CDH13: variants seen among roughly 807,000 people sequenced by gnomAD.
The protein encoded by CDH13 is cadherin 13, also known as cadherin-13.
CDH13 carries 24 observed loss-of-function variants against 63.8 expected under a neutral mutation model. The ratio of observed to expected loss-of-function variants is 0.38; its 90% CI spans 0.27 to 0.53. The LOEUF (loss-of-function observed/expected upper bound fraction) is 0.53. CDH13 is among the 20% of genes least tolerant of loss of function. The pLI, the probability that CDH13 is intolerant of heterozygous loss-of-function variation, is 0.85. For synonymous variants in CDH13, 503 were observed against 355.3 expected (o/e 1.42, Z -4.67); for missense variants, 1,049 against 903.1 (o/e 1.16, Z -2.07).
At chr16:83,095,387 T>A (rs962643405) in intron 3 of CDH13, among the ~76,000 whole-genome samples, 2 of 152,318 alleles carry the variant, frequency 1.3e-5, no homozygotes, top group East Asian at 3.9e-4. Context: ...TGCCATATGG[T>A]TTTATCATCT....
intron 3 of CDH13, among the ~76,000 whole-genome samples, chr16:83,119,434 C>G (rs1374625757): frequency 1.3e-5 from 2 of 152,298 alleles, no homozygotes; most frequent in South Asian, 2.1e-4. Context: ...CAGGTCTACT[C>G]TAGCACTGGT....
intron 7 of CDH13, among the ~76,000 whole-genome samples, chr16:83,547,458 C>G (rs894829893): frequency 3.9e-5 from 6 of 152,184 alleles, no homozygotes; most frequent in African/African-American, 1.4e-4. Context: ...CTCCCACCAT[C>G]TACCCTCAAG....
chr16:83,052,809 G>GA (rs994948243), intron 3 of CDH13, among the ~76,000 whole-genome samples: 3 of 125,450 alleles, frequency 2.4e-5, no homozygotes, highest in African/African-American at 9.2e-5. Context: ...AAAAAAGAAA[G>GA]AAATTAAACC....
intron 7 of CDH13, among the ~76,000 whole-genome samples, chr16:83,546,163 T>C (rs11640052): frequency 0.35 from 52,907 of 151,950 alleles, 9,477 homozygotes; most frequent in African/African-American, 0.42. Context: ...AAAACCTGCA[T>C]AATGAGAGGG....
chr16:83,664,782 C>G (rs1913780266), intron 8 of CDH13, among the ~76,000 whole-genome samples: 1 of 152,056 alleles, frequency 6.6e-6, no homozygotes, highest in African/African-American at 2.4e-5. Context: ...TAAAAGCATC[C>G]ATAATTGGCC....
rs1438321504 is a variant in CDH13 at position 83,682,034 on chromosome 16, TTTC to T, written c.1538+3583_1538+3585del. 3.3e-5 allele frequency among the ~76,000 whole-genome samples: 5 copies of T among 152,348 alleles called. No homozygotes were observed. The East Asian group carries it at 7.7e-4, about 23-fold the overall frequency. On this transcript the variant is annotated intron_variant, in intron 10 of 13. Coordinates refer to ENST00000567109, the MANE Select transcript of CDH13 (RefSeq NM_001257.5). ...AACATTTTAGTATCTCTAATATCTT[TTTC>T]TTCTTCTTCCTTGTGTTGACTGCTG...
At chr16:83,697,966 C>T (rs1227932541) in intron 10 of CDH13, among the ~76,000 whole-genome samples, 1 of 152,186 alleles carries the variant, frequency 6.6e-6, no homozygotes, top group Non-Finnish European at 1.5e-5. Flanking sequence ...TTTTATAGGA[C>T]ATAGCTATGG....
intron 10 of CDH13, among the ~76,000 whole-genome samples, chr16:83,733,854 G>A (rs146656480): frequency 1.4e-4 from 22 of 152,284 alleles, no homozygotes; most frequent in South Asian, 1.2e-3. Flanking sequence ...ATGCCTTGGC[G>A]TAAGTGGACA....
At chr16:82,858,771 A>G in intron 2 of CDH13, 1 of 467,036 alleles carries the variant, frequency 2.1e-6, no homozygotes, top group East Asian at 3.2e-5. Flanking sequence ...AAAGGAAATG[A>G]AATTCATTTC....
chr16:83,410,775 A>G (rs1193100918), intron 6 of CDH13, among the ~76,000 whole-genome samples: 1 of 152,202 alleles, frequency 6.6e-6, no homozygotes, highest in African/African-American at 2.4e-5. Flanking sequence ...GTCGTTGGCA[A>G]TCAGCTGCCA....
intron 1 of CDH13, among the ~76,000 whole-genome samples, chr16:82,768,353 G>C (rs1179238086): frequency 6.6e-6 from 1 of 152,148 alleles, no homozygotes; most frequent in Non-Finnish European, 1.5e-5. Flanking sequence ...TTGATATTGT[G>C]GGACTGGGCT....
chr16:83,374,460 A>G (rs1023516288), intron 6 of CDH13, among the ~76,000 whole-genome samples: 7 of 152,168 alleles, frequency 4.6e-5, no homozygotes, highest in Admixed American at 4.6e-4. Context: ...TTATCAGTGT[A>G]TGTGCTGCTC....
rs1904311808 is a variant in CDH13 at position 83,800,287 on chromosome 16, C to G, written c.*5257C>G. 1 of 152,088 alleles carries G rather than the reference C, an allele frequency of 6.6e-6. No individual in the cohort carries two copies. Among genetic ancestry groups the G allele is most frequent in the African/African-American group, 2.4e-5 (1 of 41,406 alleles). 9.4% of individuals were successfully genotyped at this position (152,088 alleles called of 1,614,324 possible). ...TAAAAAGCTTTTTCTTTAGAGAGTA[C>G]TAAAGCCATTCTATATCTGTCGTAC... On this transcript the variant is annotated 3_prime_UTR_variant, in exon 14 of 14. Transcript: ENST00000567109.
At chr16:83,157,235 G>A (rs1461932536) in intron 4 of CDH13, among the ~76,000 whole-genome samples, 1 of 152,138 alleles carries the variant, frequency 6.6e-6, no homozygotes, top group Non-Finnish European at 1.5e-5. Context: ...TTGTGATTCA[G>A]ATCAAGCGGT....
At chr16:83,541,938 T>C (rs2150651854) in intron 7 of CDH13, among the ~76,000 whole-genome samples, 1 of 152,300 alleles carries the variant, frequency 6.6e-6, no homozygotes, top group South Asian at 2.1e-4. Flanking sequence ...ATTGTACCCA[T>C]TCCCTAGCAA....
At chr16:83,212,185 C>CA (rs2039357401) in intron 4 of CDH13, among the ~76,000 whole-genome samples, 1 of 152,126 alleles carries the variant, frequency 6.6e-6, no homozygotes, top group Admixed American at 6.5e-5. Context: ...GGTCTGGAAA[C>CA]ACACTTGATT....
At chr16:83,678,668 T>C (rs924605520) in intron 10 of CDH13, among the ~76,000 whole-genome samples, 2 of 152,172 alleles carry the variant, frequency 1.3e-5, no homozygotes, top group African/African-American at 4.8e-5. Context: ...TGCTCCCACC[T>C]GATTCCAGCC....
intron 11 of CDH13, among the ~76,000 whole-genome samples, chr16:83,765,715 G>C (rs76522970): frequency 1.0e-3 from 159 of 151,718 alleles, no homozygotes; most frequent in African/African-American, 3.6e-3. Context: ...CCATATTAAA[G>C]AGAACACAAA....
intron 5 of CDH13, among the ~76,000 whole-genome samples, chr16:83,236,536 A>G (rs2040149506): frequency 6.6e-6 from 1 of 152,132 alleles, no homozygotes; most frequent in Admixed American, 6.6e-5. Flanking sequence ...CAGCATGGAG[A>G]TTTGTGATGG....
Sources: gnomAD v4.1 joint callset for allele counts (sites outside exome capture counted in the v4.1 genomes callset) on GRCh38, gnomAD v4.1.1 for gene constraint, MANE v1.5 for transcripts, NCBI Gene and HGNC (gene_info 2026-07-23, HGNC 2026-07-21) for gene names.